Variants in MAP3K2 observed in about 807,000 individuals in gnomAD.
The protein encoded by MAP3K2 is MAP/ERK kinase kinase 2.
In MAP3K2, 24 loss-of-function variants were observed where a neutral mutation model predicts 80.3. The ratio of observed to expected loss-of-function variants is 0.30; its 90% CI spans 0.22 to 0.42. The LOEUF (loss-of-function observed/expected upper bound fraction) is 0.42, where lower values mean the gene tolerates loss of function less well. Ranked by LOEUF, MAP3K2 falls within the 10% of genes least tolerant of loss-of-function variation. MAP3K2 has a pLI of 1.00. For missense variants in MAP3K2, 608 were observed against 750.1 expected (o/e 0.81, Z 2.21); for synonymous variants, 244 against 253.7 (o/e 0.96, Z 0.36).
At position 127,369,468 on chromosome 2, in the gene MAP3K2, TAAAAA is replaced by T. The variant is rs70985451; in HGVS notation, c.-66+17979_-66+17983del. Among the ~76,000 whole-genome samples, 83 of 32,726 alleles carry T rather than the reference TAAAAA, an allele frequency of 2.5e-3. 1 individual carries two copies. The highest frequency in any genetic ancestry group is 9.2e-3 in the African/African-American group (78 of 8,498). 21.5% of individuals were successfully genotyped at this position (32,726 alleles called of 152,430 possible). A position where few individuals can be genotyped will look rare whatever the true frequency, so the allele number is the denominator to read the frequency against. ...TAACACGGTGAAACCCCGTCTCTAC[TAAAAA>T]AAAAAAAAAAAAAAAAAAAAAACAG... On this transcript the variant is annotated intron_variant, in intron 1 of 16. Transcript: ENST00000682094.
chr2:127,382,292 CAT>C (rs1383562266), intron 1 of MAP3K2, among the ~76,000 whole-genome samples: 1 of 152,132 alleles, frequency 6.6e-6, no homozygotes, highest in East Asian at 1.9e-4. Flanking sequence ...GGTAAAATGT[CAT>C]AATGTCCATA....
intron 15 of MAP3K2, among the ~76,000 whole-genome samples, chr2:127,309,590 T>A (rs903760307): frequency 1.3e-5 from 2 of 152,164 alleles, no homozygotes; most frequent in Non-Finnish European, 2.9e-5. Context: ...CTAACCAGGA[T>A]CCCACACCAT....
Position 127,303,477 on chromosome 2 carries a change from A to G in MAP3K2, c.*4102T>C, listed in dbSNP as rs4497825. On this transcript the variant is annotated 3_prime_UTR_variant, in exon 17 of 17. Coordinates refer to ENST00000682094, the MANE Select transcript of MAP3K2 (RefSeq NM_001371910.2). ...TGGGGAGGGGATCCCTCTAGTTTGG[A>G]GATACTTTTACTCTAATCCCTGTTG... 63,951 of 151,904 alleles carry G rather than the reference A, an allele frequency of 0.42. 13,812 individuals are homozygous for G. The highest frequency in any genetic ancestry group is 0.62 in the East Asian group (3,198 of 5,168). The allele number at this position is 151,904 out of a possible 1,614,324, so 9.4% of individuals were successfully genotyped here. A position where few individuals can be genotyped will look rare whatever the true frequency, so the allele number is the denominator to read the frequency against.
At chr2:127,383,589 T>C (rs1049767848) in intron 1 of MAP3K2, among the ~76,000 whole-genome samples, 2 of 152,234 alleles carry the variant, frequency 1.3e-5, no homozygotes, top group Non-Finnish European at 2.9e-5. Context: ...TCCTTAGGTT[T>C]TTCTAAATAT....
intron 1 of MAP3K2, among the ~76,000 whole-genome samples, chr2:127,365,014 G>C (rs1318477225): frequency 6.8e-6 from 1 of 146,502 alleles, no homozygotes; most frequent in Non-Finnish European, 1.5e-5. Flanking sequence ...TGTAATCCCT[G>C]CTACTTGGGA....
chr2:127,359,175 A>G (rs973971306), intron 1 of MAP3K2, among the ~76,000 whole-genome samples: 1 of 152,168 alleles, frequency 6.6e-6, no homozygotes, highest in African/African-American at 2.4e-5. Context: ...TATACAACAG[A>G]GTTAATTCTA....
intron 8 of MAP3K2, among the ~76,000 whole-genome samples, 167 bp downstream of exon 8, chr2:127,326,520 C>T (rs1475116454): frequency 3.9e-5 from 6 of 152,112 alleles, no homozygotes; most frequent in African/African-American, 2.4e-5. Context: ...TATACAGGCA[C>T]ATGTAAATTA....
chr2:127,319,734 G>A (rs1238770996), intron 12 of MAP3K2, among the ~76,000 whole-genome samples: 1 of 151,464 alleles, frequency 6.6e-6, no homozygotes, highest in Non-Finnish European at 1.5e-5. Flanking sequence ...AGCTACTCGG[G>A]AGGCTGATGC....
At chr2:127,312,098 T>G (rs1421896685) in intron 15 of MAP3K2, among the ~76,000 whole-genome samples, 1 of 152,232 alleles carries the variant, frequency 6.6e-6, no homozygotes, top group Non-Finnish European at 1.5e-5. Context: ...AGATAGATGA[T>G]GCTGTATTCT....
intron 2 of MAP3K2, 119 bp downstream of exon 2, chr2:127,343,007 C>A: frequency 1.5e-6 from 1 of 688,754 alleles, no homozygotes; most frequent in Non-Finnish European, 2.4e-6. Context: ...TTTCATAAAT[C>A]TGCTATATCA....
In MAP3K2 at chr2:127,302,504, T is replaced by C. The variant is rs920021649; in HGVS notation, c.*5075A>G. The C allele has an allele frequency of 6.6e-6, 1 of 151,676 alleles. No homozygotes were observed. Among genetic ancestry groups the C allele is most frequent in the East Asian group, 1.9e-4 (1 of 5,168 alleles). The allele number at this position is 151,676 out of a possible 1,614,324, so 9.4% of individuals were successfully genotyped here. A position where few individuals can be genotyped will look rare whatever the true frequency, so the allele number is the denominator to read the frequency against. On this transcript the variant is annotated 3_prime_UTR_variant, in exon 17 of 17. Transcript: ENST00000682094. ...ACATACATGCACACATGCACACACT[T>C]CACAGAAAAGTAACTTTTCTGTGAG...
Position 127,387,788 on chromosome 2 carries a change from C to T in MAP3K2, c.-402G>A, listed in dbSNP as rs535448299. The T allele has an allele frequency of 8.1e-4, 797 of 985,140 alleles. 4 individuals are homozygous for T. In the African/African-American group the frequency reaches 0.012, roughly 15 times the overall value. 61.0% of individuals were successfully genotyped at this position (985,140 alleles called of 1,614,324 possible). On this transcript the variant is annotated 5_prime_UTR_variant, in exon 1 of 17. Transcript: ENST00000682094. ...AGGAGGAAGCCGCGGGCCCGCGTCG[C>T]TAGAGACCGGAGAAGAGGCGGGAGT...
chr2:127,383,003 T>C (rs901714408), intron 1 of MAP3K2, among the ~76,000 whole-genome samples: 1 of 152,244 alleles, frequency 6.6e-6, no homozygotes. Flanking sequence ...GGCACCTGCT[T>C]GGCCTCTGGT....
chr2:127,326,636 C>T, intron 8 of MAP3K2, 51 bp downstream of exon 8: 8 of 1,412,770 alleles, frequency 5.7e-6, no homozygotes, highest in Non-Finnish European at 7.5e-6. Context: ...ATCACACTGA[C>T]CCTGACAACA....
chr2:127,360,822 A>G (rs1686873153), intron 1 of MAP3K2, among the ~76,000 whole-genome samples: 1 of 152,174 alleles, frequency 6.6e-6, no homozygotes, highest in Non-Finnish European at 1.5e-5. Flanking sequence ...CATTGGTTAC[A>G]TATATCCTAA....
rs985076883 is a variant in MAP3K2 at position 127,342,953 on chromosome 2, C to T, written c.4+173G>A. Reference sequence around the variant, plus strand: ...TGATCATTCTAAAACTACAGCAACACAAAAAGTACTTTAATTCAAAGTCTA... The same window carrying T: ...TGATCATTCTAAAACTACAGCAACATAAAAAGTACTTTAATTCAAAGTCTA... On this transcript the variant is annotated intron_variant, in intron 2 of 16. Coordinates refer to ENST00000682094, the MANE Select transcript of MAP3K2 (RefSeq NM_001371910.2). Among the ~76,000 whole-genome samples, 16 of 152,248 alleles carry T rather than the reference C, an allele frequency of 1.1e-4. No homozygotes were observed. The East Asian group carries it at 3.1e-3, about 29-fold the overall frequency.
At chr2:127,372,289 A>G (rs1428194427) in intron 1 of MAP3K2, among the ~76,000 whole-genome samples, 3 of 152,142 alleles carry the variant, frequency 2.0e-5, no homozygotes, top group Non-Finnish European at 4.4e-5. Flanking sequence ...TGCTTTTACC[A>G]TACTGGGTCC....
intron 1 of MAP3K2, among the ~76,000 whole-genome samples, chr2:127,368,291 C>A (rs2104883210): frequency 6.6e-6 from 1 of 151,584 alleles, no homozygotes; most frequent in African/African-American, 2.4e-5. Context: ...CACTGCACTC[C>A]AGCCTGGGTG....
rs1308565482 is a variant in MAP3K2, at chr2:127,322,713, C to T, written c.839-461G>A. Among the ~76,000 whole-genome samples, 1 of 151,982 alleles carries T rather than the reference C, an allele frequency of 6.6e-6. No homozygotes were observed. The highest frequency in any genetic ancestry group is 1.5e-5 in the Non-Finnish European group (1 of 67,988). On this transcript the variant is annotated intron_variant, in intron 11 of 16. Coordinates refer to ENST00000682094, the MANE Select transcript of MAP3K2 (RefSeq NM_001371910.2). The surrounding 1 kb of genome is among the most constrained non-coding windows in gnomAD (Gnocchi z 4.2). ...GGTTCAAGCGATTCTCCTGTCTCAG[C>T]CTCCCAAGTAGCTGGGATTACAGGC...
Sources: gnomAD v4.1 joint callset for allele counts (sites outside exome capture counted in the v4.1 genomes callset) on GRCh38, gnomAD v4.1.1 for gene constraint, Gnocchi (gnomAD v3.1) non-coding constraint, MANE v1.5 for transcripts, NCBI Gene and HGNC (gene_info 2026-07-23, HGNC 2026-07-21) for gene names.